KCNH8: variants seen among roughly 807,000 people sequenced by gnomAD.
The protein encoded by KCNH8 is voltage-gated delayed rectifier potassium channel KCNH8.
A neutral mutation model predicts 103.6 loss-of-function variants in KCNH8; 70 were observed. The ratio of observed to expected loss-of-function variants is 0.68; its 90% CI spans 0.56 to 0.82. The LOEUF (loss-of-function observed/expected upper bound fraction) is 0.82, where lower values mean the gene tolerates loss of function less well. Among genes scored for constraint, KCNH8 ranks in the 40% least tolerant of loss-of-function variants. The pLI is 0.00. For missense variants in KCNH8, 1,217 were observed against 1,329.9 expected (o/e 0.92, Z 1.32); for synonymous variants, 498 against 489.4 (o/e 1.02, Z -0.23).
chr3:19,389,672 A>G (rs2066406770), intron 5 of KCNH8, among the ~76,000 whole-genome samples: 1 of 152,088 alleles, frequency 6.6e-6, no homozygotes, highest in South Asian at 2.1e-4. Flanking sequence ...TCTGTTGCCC[A>G]GGCTGGAGTG....
At chr3:19,475,015 G>A (rs1334919000) in intron 11 of KCNH8, among the ~76,000 whole-genome samples, 1 of 152,072 alleles carries the variant, frequency 6.6e-6, no homozygotes, top group African/African-American at 2.4e-5. Context: ...ATACAACTAA[G>A]GCCAGAATTG....
intron 11 of KCNH8, among the ~76,000 whole-genome samples, chr3:19,507,348 T>C (rs2068712440): frequency 6.6e-6 from 1 of 152,164 alleles, no homozygotes; most frequent in Non-Finnish European, 1.5e-5. Flanking sequence ...TCAGTGGGTG[T>C]GCTCAGCTAT....
chr3:19,471,660 G>A (rs2067858696), intron 11 of KCNH8, among the ~76,000 whole-genome samples: 1 of 152,138 alleles, frequency 6.6e-6, no homozygotes, highest in Non-Finnish European at 1.5e-5. Context: ...GACTAATTAA[G>A]GATGAAAGAG....
intron 3 of KCNH8, among the ~76,000 whole-genome samples, chr3:19,327,235 G>C (rs1020067247): frequency 5.3e-5 from 8 of 152,144 alleles, no homozygotes; most frequent in African/African-American, 1.9e-4. Flanking sequence ...TCTATTGGTA[G>C]GAAGAAAAGC....
intron 15 of KCNH8, among the ~76,000 whole-genome samples, chr3:19,526,837 A>G (rs2069073626): frequency 6.6e-6 from 1 of 152,010 alleles, no homozygotes. Flanking sequence ...AATTGAAAAT[A>G]ACAAAAAGTC....
At chr3:19,394,177 C>T (rs2066479811) in intron 6 of KCNH8, among the ~76,000 whole-genome samples, 1 of 152,006 alleles carries the variant, frequency 6.6e-6, no homozygotes, top group Admixed American at 6.6e-5. Context: ...TTAAAGGTGA[C>T]ATCAAGAAGT....
intron 11 of KCNH8, among the ~76,000 whole-genome samples, chr3:19,487,655 T>A (rs1481973630): frequency 6.6e-6 from 1 of 152,168 alleles, no homozygotes; most frequent in African/African-American, 2.4e-5. Context: ...CTAGACTGGT[T>A]TTATCTCTTG....
intron 7 of KCNH8, among the ~76,000 whole-genome samples, chr3:19,417,818 A>T (rs1403477545): frequency 6.6e-6 from 1 of 152,184 alleles, no homozygotes; most frequent in African/African-American, 2.4e-5. Flanking sequence ...TTGCAGTTAA[A>T]TCCTATAAGG....
intron 1 of KCNH8, among the ~76,000 whole-genome samples, chr3:19,207,178 G>A (rs1339880681): frequency 6.6e-6 from 1 of 151,944 alleles, no homozygotes; most frequent in Non-Finnish European, 1.5e-5. Context: ...TACAGCAGGA[G>A]AGAAACTTAT....
intron 1 of KCNH8, among the ~76,000 whole-genome samples, chr3:19,199,276 CAGTAAG>C (rs2063632929): frequency 6.6e-6 from 1 of 152,032 alleles, no homozygotes; most frequent in Admixed American, 6.6e-5. Context: ...GCTTTTAGAA[CAGTAAG>C]TTCCACAAAT....
chr3:19,335,533 G>A (rs915971232), intron 3 of KCNH8, among the ~76,000 whole-genome samples: 3 of 146,214 alleles, frequency 2.1e-5, no homozygotes, highest in Non-Finnish European at 3.0e-5. Flanking sequence ...TCTAGTTTTG[G>A]TACCAAGTTT....
intron 1 of KCNH8, among the ~76,000 whole-genome samples, chr3:19,177,853 CTG>C (rs1474648684): frequency 6.6e-6 from 1 of 152,034 alleles, no homozygotes; most frequent in African/African-American, 2.4e-5. Flanking sequence ...AATCTTAACA[CTG>C]TTTTAAAATG....
intron 3 of KCNH8, among the ~76,000 whole-genome samples, chr3:19,303,216 A>C (rs906932376): frequency 2.0e-5 from 3 of 152,202 alleles, no homozygotes; most frequent in Admixed American, 1.3e-4. Context: ...GTTTTAATGC[A>C]GAGTGAAGTT....
intron 6 of KCNH8, chr3:19,391,788 T>C (rs868401862): frequency 6.6e-6 from 1 of 152,128 alleles, no homozygotes; most frequent in South Asian, 2.1e-4. Flanking sequence ...CACTGCTACA[T>C]TGAATTGTTA....
intron 5 of KCNH8, among the ~76,000 whole-genome samples, chr3:19,376,123 C>A (rs2066195067): frequency 6.6e-6 from 1 of 152,180 alleles, no homozygotes; most frequent in South Asian, 2.1e-4. Flanking sequence ...GTGGTGGGCT[C>A]CACCCAGTTC....
intron 1 of KCNH8, among the ~76,000 whole-genome samples, chr3:19,233,362 G>T (rs2064019719): frequency 6.6e-6 from 1 of 152,030 alleles, no homozygotes; most frequent in Non-Finnish European, 1.5e-5. Flanking sequence ...GTTTTTATAG[G>T]TTATAATGCT....
At chr3:19,495,076 T>C (rs2068410211) in intron 11 of KCNH8, among the ~76,000 whole-genome samples, 2 of 152,172 alleles carry the variant, frequency 1.3e-5, no homozygotes. Context: ...TTTGTGTAAG[T>C]TCCTTATAGA....
At chr3:19,342,493 G>A (rs2065674069) in intron 3 of KCNH8, 94 bp from the exon 4 acceptor site, 15 of 1,253,328 alleles carry the variant, frequency 1.2e-5, no homozygotes, top group South Asian at 1.6e-5. Flanking sequence ...TGGAAAACAT[G>A]TACAATATGC....
intron 2 of KCNH8, among the ~76,000 whole-genome samples, chr3:19,258,931 CTCTCTCTCTCTCTCTCTATA>C (rs1367183093): frequency 2.0e-4 from 17 of 83,308 alleles, no homozygotes; most frequent in African/African-American, 7.7e-4. Flanking sequence ...CTCTCTCTCT[CTCTCTCTCTCTCTCTCTATA>C]TATATATATA....
Sources: allele counts gnomAD v4.1 joint callset (sites outside exome capture counted in the v4.1 genomes callset), GRCh38; gene constraint gnomAD v4.1.1; transcripts MANE v1.5; gene names NCBI Gene and HGNC (gene_info 2026-07-23, HGNC 2026-07-21).